MRPL44: variants seen among roughly 807,000 people sequenced by gnomAD.
MRPL44 encodes the protein large ribosomal subunit protein mL44.
Under a neutral mutation model 25.9 loss-of-function variants are expected in MRPL44, and 21 were observed. The ratio of observed to expected loss-of-function variants is 0.81; its 90% CI spans 0.58 to 1.17. The LOEUF (loss-of-function observed/expected upper bound fraction) is 1.17, where lower values mean the gene tolerates loss of function less well. MRPL44 is among the 50% of genes most tolerant of loss of function. MRPL44 has a pLI of 0.00. For synonymous variants in MRPL44, 169 were observed against 151.0 expected (o/e 1.12, Z -0.87); for missense variants, 410 against 398.9 (o/e 1.03, Z -0.24).
At chr2:223,963,428 G>A (rs1311276259) in intron 2 of MRPL44, among the ~76,000 whole-genome samples, 3 of 151,128 alleles carry the variant, frequency 2.0e-5, no homozygotes, top group Non-Finnish European at 4.4e-5. Context: ...CTAGGCAATA[G>A]AGTGAAGCCC....
chr2:223,957,371 G>C (rs1689581381), upstream of MRPL44: 4 of 1,479,212 alleles, frequency 2.7e-6, no homozygotes, highest in Non-Finnish European at 2.8e-6. Context: ...CTCCGCCCCA[G>C]CCTTCTCTTC....
At position 223,957,638 on chromosome 2, in the gene MRPL44, C is replaced by T; in HGVS notation, c.166C>T (p.Pro56Ser). 1.9e-6 allele frequency: 3 copies of T among 1,607,826 alleles called. No individual in the cohort carries two copies. The highest frequency in any genetic ancestry group is 1.7e-6 in the Non-Finnish European group (2 of 1,179,496). Residue 56 changes from proline to serine, a missense_variant, in exon 1 of 4, where the codon CCG (proline) becomes TCG (serine). Pro to Ser is a moderately conservative substitution (Grantham distance 74, BLOSUM62 -1). Transcript: ENST00000258383. ...GCAGCGCCTTCTGCGGTGCCCGCCG[C>T]CGCCCGTGCGCCGGTAGGAGCCACC... is the stretch of plus-strand genomic sequence containing the variant. ...ERQRLLRCPP[P>S]PVRRSEKPNW...
intron 3 of MRPL44, among the ~76,000 whole-genome samples, chr2:223,965,124 A>G (rs1007278387): frequency 2.0e-5 from 3 of 152,220 alleles, no homozygotes; most frequent in Non-Finnish European, 4.4e-5. Flanking sequence ...TAGATTTTAC[A>G]TAATGACTTT....
Position 223,957,643 on chromosome 2 carries a change from C to T in MRPL44, c.171C>T (p.Pro57=). 1 of 1,607,048 alleles carries T rather than the reference C, an allele frequency of 6.2e-7. No individual in the cohort carries two copies. Among genetic ancestry groups the T allele is most frequent in the Non-Finnish European group, 8.5e-7 (1 of 1,179,406 alleles). Residue 57 remains proline, a synonymous_variant, in exon 1 of 4, where the codon CCC becomes CCT. Coordinates refer to ENST00000258383, the MANE Select transcript of MRPL44 (RefSeq NM_022915.5). ...RQRLLRCPPP[P]VRRSEKPNWD... is the part of the protein sequence containing the mutation. ...GCCTTCTGCGGTGCCCGCCGCCGCC[C>T]GTGCGCCGGTAGGAGCCACCTCGGG...
At chr2:223,953,859 T>A (rs1052132631), upstream of MRPL44, among the ~76,000 whole-genome samples, 2 of 152,242 alleles carry the variant, frequency 1.3e-5, no homozygotes, top group Non-Finnish European at 2.9e-5. Context: ...GAAGTTTCAA[T>A]ATTATAGTCA....
upstream of MRPL44, among the ~76,000 whole-genome samples, chr2:223,954,720 A>G (rs776930223): frequency 6.6e-6 from 1 of 152,246 alleles, no homozygotes; most frequent in South Asian, 2.1e-4. Context: ...AATGGAAGCT[A>G]TGATGTATTT....
chr2:223,954,012 C>T (rs1167832397), upstream of MRPL44, among the ~76,000 whole-genome samples: 3 of 152,154 alleles, frequency 2.0e-5, no homozygotes, highest in South Asian at 2.1e-4. Flanking sequence ...TCAAGGAACA[C>T]GTAAAGTGGA....
At chr2:223,957,208 T>C (rs937463536), upstream of MRPL44, among the ~76,000 whole-genome samples, 1 of 152,264 alleles carries the variant, frequency 6.6e-6, no homozygotes, top group Non-Finnish European at 1.5e-5. Flanking sequence ...CAGAAACTTT[T>C]GGGCGCAAAC....
At chr2:223,959,449 A>G in intron 1 of MRPL44, 85 bp from the exon 2 acceptor site, 1 of 1,013,034 alleles carries the variant, frequency 9.9e-7, no homozygotes, top group Non-Finnish European at 1.5e-6. Context: ...TATATAATTA[A>G]TAACATTACA....
chr2:223,960,783 G>C (rs1441850388), intron 2 of MRPL44, among the ~76,000 whole-genome samples: 1 of 152,194 alleles, frequency 6.6e-6, no homozygotes, highest in African/African-American at 2.4e-5. Context: ...TTTTTCTATA[G>C]AAATTCTGAC....
chr2:223,958,090 T>A (rs1014313914), intron 1 of MRPL44, among the ~76,000 whole-genome samples: 1 of 152,184 alleles, frequency 6.6e-6, no homozygotes, highest in Non-Finnish European at 1.5e-5. Context: ...AGCTTTAGAT[T>A]TTTGCCCTAA....
Position 223,966,858 on chromosome 2 carries a change from T to C in MRPL44, c.828-5T>C. 1.9e-6 allele frequency: 3 copies of C among 1,611,288 alleles called. No homozygotes were observed. The highest frequency in any genetic ancestry group is 4.5e-5 in the East Asian group (2 of 44,876). On this transcript the variant is annotated splice_polypyrimidine_tract_variant and splice_region_variant and intron_variant, in intron 3 of 3. Transcript: ENST00000258383. Reference sequence around the variant, plus strand: ...ATTTAAGACTACTGTTTGTTCTCTTTCTAGTGATAAAAAGTTGATTGCAGA... The same window carrying C: ...ATTTAAGACTACTGTTTGTTCTCTTCCTAGTGATAAAAAGTTGATTGCAGA...
chr2:223,960,054 C>A (rs1467500650), intron 2 of MRPL44, 52 bp downstream of exon 2: 1 of 1,394,244 alleles, frequency 7.2e-7, no homozygotes, highest in South Asian at 1.3e-5. Context: ...GGAAAATATT[C>A]TTTTGTAATT....
At chr2:223,966,550 GGA>G (rs1297935585) in intron 3 of MRPL44, among the ~76,000 whole-genome samples, 2 of 151,904 alleles carry the variant, frequency 1.3e-5, no homozygotes, top group African/African-American at 4.8e-5. Flanking sequence ...GTTTTTGTAG[GGA>G]GATATTTATT....
chr2:223,960,920 T>C lies in MRPL44; in HGVS notation c.648+918T>C, dbSNP rs189083599. On this transcript the variant is annotated intron_variant, in intron 2 of 3. Transcript: ENST00000258383. ...ACTATGTTGGAAATATTTACCATAT[T>C]GTAATGCGTCTTAACAGTTCCAAGT... 4.3e-3 allele frequency among the ~76,000 whole-genome samples: 660 copies of C among 152,350 alleles called. 6 individuals are homozygous for C. The highest frequency in any genetic ancestry group is 6.3e-3 in the Non-Finnish European group (431 of 68,030).
upstream of MRPL44, among the ~76,000 whole-genome samples, chr2:223,954,503 C>A (rs1034654689): frequency 6.6e-6 from 1 of 152,158 alleles, no homozygotes; most frequent in Non-Finnish European, 1.5e-5. Flanking sequence ...GCAGTCAAAG[C>A]GCTGGCCAGT....
chr2:223,963,014 A>G (rs1002488869), intron 2 of MRPL44, among the ~76,000 whole-genome samples: 2 of 152,156 alleles, frequency 1.3e-5, no homozygotes, highest in South Asian at 4.1e-4. Context: ...GTTTTTAAAA[A>G]CATTATTAAT....
chr2:223,962,498 A>G (rs1689678827), intron 2 of MRPL44, among the ~76,000 whole-genome samples: 1 of 152,318 alleles, frequency 6.6e-6, no homozygotes, highest in Admixed American at 6.5e-5. Context: ...GTTTGTTAAT[A>G]CAAGTTAATT....
At chr2:223,956,006 A>G (rs1259444969), upstream of MRPL44, among the ~76,000 whole-genome samples, 1 of 152,220 alleles carries the variant, frequency 6.6e-6, no homozygotes, top group Non-Finnish European at 1.5e-5. Flanking sequence ...GAAACTCTCA[A>G]CACAGAGACA....
Sources: gnomAD v4.1 joint callset for allele counts (sites outside exome capture counted in the v4.1 genomes callset) on GRCh38, gnomAD v4.1.1 for gene constraint, MANE v1.5 for transcripts, NCBI Gene and HGNC (gene_info 2026-07-23, HGNC 2026-07-21) for gene names.